The following RGS6 variants were observed in gnomAD, a reference collection of about 807,000 sequenced individuals.
RGS6 encodes regulator of G-protein signaling 6.
A neutral mutation model predicts 78.5 loss-of-function variants in RGS6; 30 were observed. The ratio of observed to expected loss-of-function variants is 0.38; its 90% CI spans 0.29 to 0.52. The LOEUF (loss-of-function observed/expected upper bound fraction) is 0.52, where lower values mean the gene tolerates loss of function less well. Ranked by LOEUF, RGS6 falls within the 20% of genes least tolerant of loss-of-function variation. The pLI is 0.85. For missense variants in RGS6, 495 were observed against 609.7 expected (o/e 0.81, Z 1.98); for synonymous variants, 206 against 206.0 (o/e 1.00, Z 0.00).
Position 72,562,898 on chromosome 14 carries a change from C to A in RGS6, c.*431C>A. On this transcript the variant is annotated 3_prime_UTR_variant, in exon 18 of 18. Coordinates refer to ENST00000553525, the MANE Select transcript of RGS6 (RefSeq NM_001204424.2). Reference sequence around the variant, plus strand: ...GGCATGAGTGGACCGAGAGCACATCCAGCATTTGCATCACCTCCCTGGCAC... The same window carrying A: ...GGCATGAGTGGACCGAGAGCACATCAAGCATTTGCATCACCTCCCTGGCAC... The A allele has an allele frequency of 2.7e-6, 2 of 739,192 alleles. No individual in the cohort carries two copies. Among genetic ancestry groups the A allele is most frequent in the South Asian group, 3.3e-5 (2 of 61,484 alleles). The allele number at this position is 739,192 out of a possible 1,614,324, so 45.8% of individuals were successfully genotyped here. A position where few individuals can be genotyped will look rare whatever the true frequency, so the allele number is the denominator to read the frequency against.
At chr14:72,425,740 T>C (rs1341725190) in intron 3 of RGS6, among the ~76,000 whole-genome samples, 1 of 152,224 alleles carries the variant, frequency 6.6e-6, no homozygotes, top group Admixed American at 6.5e-5. Flanking sequence ...GCTGGTTGTA[T>C]GGTATGTTTT....
intron 3 of RGS6, among the ~76,000 whole-genome samples, chr14:72,438,181 C>A (rs2095028065): frequency 6.6e-6 from 1 of 152,108 alleles, no homozygotes; most frequent in African/African-American, 2.4e-5. Flanking sequence ...CAGGTTAAGT[C>A]ACAGAAGAGT....
chr14:72,282,677 A>T (rs941715686), intron 2 of RGS6, among the ~76,000 whole-genome samples: 1 of 152,340 alleles, frequency 6.6e-6, no homozygotes, highest in South Asian at 2.1e-4. Flanking sequence ...GACATATGCA[A>T]TTACCTGTGA....
chr14:72,475,735 A>G (rs1236617737), intron 10 of RGS6, among the ~76,000 whole-genome samples: 1 of 151,962 alleles, frequency 6.6e-6, no homozygotes, highest in Admixed American at 6.6e-5. Context: ...ATCTCAAAAA[A>G]AAATTCCAAA....
chr14:71,915,660 C>A, the RGS6 span, among the ~76,000 whole-genome samples: 6 of 152,152 alleles, frequency 3.9e-5, no homozygotes, highest in African/African-American at 1.4e-4. Context: ...TCAGCATGTT[C>A]ATTTGTGCTG....
chr14:72,442,875 C>G (rs17115708), intron 3 of RGS6, among the ~76,000 whole-genome samples: 19,017 of 152,172 alleles, frequency 0.12, 2,381 homozygotes, highest in African/African-American at 0.32. Context: ...GGCTTCTCGT[C>G]ATATTTTGCC....
At chr14:72,046,280 C>T (rs2092828905) in intron 2 of RGS6, among the ~76,000 whole-genome samples, 1 of 149,880 alleles carries the variant, frequency 6.7e-6, no homozygotes, top group African/African-American at 2.5e-5. Context: ...TAGCATGACA[C>T]ATACACACAC....
chr14:72,614,188 G>A, the RGS6 span, among the ~76,000 whole-genome samples: 87 of 152,160 alleles, frequency 5.7e-4, 1 homozygote, highest in Admixed American at 1.0e-3. Context: ...TCAGAAATGG[G>A]GGAGGGAGCC....
intron 2 of RGS6, among the ~76,000 whole-genome samples, chr14:72,266,842 C>T (rs962602646): frequency 5.9e-5 from 9 of 152,186 alleles, no homozygotes; most frequent in Admixed American, 3.9e-4. Flanking sequence ...TTCCCACAGC[C>T]AGGCTGGGTG....
chr14:72,465,650 A>ATGGG (rs1288928778), intron 6 of RGS6, 108 bp from the exon 7 acceptor site: 4 of 737,092 alleles, frequency 5.4e-6, no homozygotes, highest in Non-Finnish European at 9.6e-6. Context: ...GGATGGATGG[A>ATGGG]TGGATGGATG....
chr14:72,598,212 G>A, the RGS6 span, among the ~76,000 whole-genome samples: 18 of 152,316 alleles, frequency 1.2e-4, no homozygotes, highest in African/African-American at 4.3e-4. Context: ...CCTGGCTGCC[G>A]GAGTTGAGCT....
the RGS6 span, among the ~76,000 whole-genome samples, chr14:71,896,105 A>T: frequency 6.6e-6 from 1 of 151,992 alleles, no homozygotes; most frequent in Admixed American, 6.6e-5. Flanking sequence ...CAGCACTGTA[A>T]ATTTTCTAGA....
At chr14:71,975,050 A>AG (rs1438732301) in intron 2 of RGS6, among the ~76,000 whole-genome samples, 1 of 152,208 alleles carries the variant, frequency 6.6e-6, no homozygotes, top group Non-Finnish European at 1.5e-5. Context: ...GCTACTCAGG[A>AG]GGTGGAGGTG....
At chr14:72,410,673 G>A (rs1345093846) in intron 3 of RGS6, among the ~76,000 whole-genome samples, 6 of 152,168 alleles carry the variant, frequency 3.9e-5, no homozygotes, top group Non-Finnish European at 8.8e-5. Flanking sequence ...TATTGCCTAG[G>A]TTTTCTTGTA....
chr14:72,228,716 C>T (rs942066275), intron 2 of RGS6, among the ~76,000 whole-genome samples: 3 of 152,054 alleles, frequency 2.0e-5, no homozygotes, highest in South Asian at 2.1e-4. Context: ...AAAGAGGTAG[C>T]GTGGGGAGAC....
intron 2 of RGS6, among the ~76,000 whole-genome samples, chr14:72,002,613 A>T (rs1274590318): frequency 6.6e-6 from 1 of 151,760 alleles, no homozygotes; most frequent in African/African-American, 2.4e-5. Context: ...TTCAAAAAAA[A>T]AATGGGAACC....
At chr14:72,193,282 C>G (rs953280058) in intron 2 of RGS6, among the ~76,000 whole-genome samples, 1 of 152,354 alleles carries the variant, frequency 6.6e-6, no homozygotes, top group Admixed American at 6.5e-5. Context: ...GCATGAGCCA[C>G]TGTGCCTGGC....
chr14:71,936,994 G>A (rs896921794), intron 1 of RGS6, among the ~76,000 whole-genome samples: 1 of 152,124 alleles, frequency 6.6e-6, no homozygotes, highest in African/African-American at 2.4e-5. Flanking sequence ...TTGTAGTCCC[G>A]CCTGGATTGG....
At position 72,396,264 on chromosome 14, in the gene RGS6, G is replaced by C. The variant is rs551326943; in HGVS notation, c.184+44070G>C. 1.6e-3 allele frequency among the ~76,000 whole-genome samples: 241 copies of C among 152,282 alleles called. 2 individuals are homozygous for C. The highest frequency in any genetic ancestry group is 4.6e-4 in the Non-Finnish European group (31 of 68,018). On this transcript the variant is annotated intron_variant, in intron 3 of 17. Transcript: ENST00000553525. The stretch of plus-strand genomic sequence containing the variant: ...ATGGATGGTATCTCATTGTGGTTTT[G>C]ATTTGCATTTCTCTGATGGCCAGTG...
Sources: allele counts gnomAD v4.1 joint callset (sites outside exome capture counted in the v4.1 genomes callset), GRCh38; gene constraint gnomAD v4.1.1; transcripts MANE v1.5; gene names NCBI Gene and HGNC (gene_info 2026-07-23, HGNC 2026-07-21).